The following PCDHGA3 variants were observed in gnomAD, a reference collection of about 807,000 sequenced individuals.
PCDHGA3 encodes the protein protocadherin gamma subfamily A, 3, also known as protocadherin gamma-A3.
PCDHGA3 carries 40 observed loss-of-function variants against 58.5 expected under a neutral mutation model. The observed-to-expected ratio is 0.68, with a 90% confidence interval of 0.53 to 0.89. The LOEUF is 0.89. Among genes scored for constraint, PCDHGA3 ranks in the 40% least tolerant of loss-of-function variants. PCDHGA3 has a pLI of 0.00. For missense variants in PCDHGA3, 1,223 were observed against 1,195.9 expected (o/e 1.02, Z -0.33); for synonymous variants, 530 against 525.7 (o/e 1.01, Z -0.11).
intron 1 of PCDHGA3, chr5:141,357,734 T>G: frequency 7.5e-7 from 1 of 1,340,180 alleles, no homozygotes. Context: ...TTTAATATTT[T>G]ATTGCTTTAA....
chr5:141,485,338 T>C lies in PCDHGA3; in HGVS notation c.2425-9469T>C, dbSNP rs1259658641. The stretch of plus-strand genomic sequence containing the variant: ...ATGTCGCTCAAGATTTCCTGCTGGA[T>C]ACGGACAGTCTGTCAGCTCGCAGGC... On this transcript the variant is annotated intron_variant, in intron 1 of 3. Coordinates refer to ENST00000253812, the MANE Select transcript of PCDHGA3 (RefSeq NM_018916.4). The surrounding 1 kb of genome is among the most constrained non-coding windows in gnomAD (Gnocchi z 5.7). 1 of 1,614,140 alleles carries C rather than the reference T, an allele frequency of 6.2e-7. No individual in the cohort carries two copies. Among genetic ancestry groups the C allele is most frequent in the Non-Finnish European group, 8.5e-7 (1 of 1,180,006 alleles).
chr5:141,415,368 T>C (rs762653261), intron 1 of PCDHGA3: 1 of 1,614,244 alleles, frequency 6.2e-7, no homozygotes, highest in Non-Finnish European at 8.5e-7. Context: ...TGCTGCAGGC[T>C]TCAGGAGGCG....
chr5:141,430,587 T>C, intron 1 of PCDHGA3: 1 of 521,996 alleles, frequency 1.9e-6, no homozygotes, highest in Non-Finnish European at 3.1e-6. Context: ...CCTGCTCGCC[T>C]TGCACGCGCC....
In PCDHGA3 at chr5:141,374,652, A is replaced by C. The variant is rs947408708; in HGVS notation, c.2424+28195A>C. Reference sequence around the variant, plus strand: ...GTGCAAAGCGAAGCCCATGGGCCCAAGTACCCGGAGCTGGTGCTGGAGGGC... The same window carrying C: ...GTGCAAAGCGAAGCCCATGGGCCCACGTACCCGGAGCTGGTGCTGGAGGGC... On this transcript the variant is annotated intron_variant, in intron 1 of 3. Coordinates refer to ENST00000253812, the MANE Select transcript of PCDHGA3 (RefSeq NM_018916.4). 1.2e-6 allele frequency: 2 copies of C among 1,612,302 alleles called. No homozygotes were observed.
intron 1 of PCDHGA3, chr5:141,413,863 G>A (rs1367797365): frequency 1.9e-6 from 3 of 1,613,356 alleles, no homozygotes; most frequent in Admixed American, 1.7e-5. Flanking sequence ...ATCTGGCACT[G>A]TCCTTGTCAG....
In PCDHGA3 at chr5:141,344,090, C is replaced by A. The variant is rs200693710; in HGVS notation, c.57C>A (p.Leu19=). Residue 19 remains leucine (L), a synonymous_variant, in exon 1 of 4, where the codon CTC becomes CTA. Coordinates refer to ENST00000253812, the MANE Select transcript of PCDHGA3 (RefSeq NM_018916.4). ...GAGGACTGGCCCTGCTGTGCGCGCT[C>A]CTGGGGACGCTGTGCGAAACAGGAT... ...NGRGLALLCA[L]LGTLCETGSG... is the part of the protein sequence containing the mutation. The A allele has an allele frequency of 1.2e-6, 2 of 1,613,308 alleles. No individual in the cohort carries two copies. Among genetic ancestry groups the A allele is most frequent in the African/African-American group, 2.7e-5 (2 of 74,926 alleles).
intron 1 of PCDHGA3, chr5:141,357,624 G>A (rs1416419073): frequency 1.2e-6 from 2 of 1,613,660 alleles, no homozygotes; most frequent in South Asian, 2.2e-5. Context: ...ATCTTCAGGT[G>A]AGTCAATCTT....
chr5:141,413,337 G>A, intron 1 of PCDHGA3: 1 of 1,613,978 alleles, frequency 6.2e-7, no homozygotes, highest in Non-Finnish European at 8.5e-7. Flanking sequence ...ACATCTCCAA[G>A]GACTTGGGTC....
chr5:141,433,379 CTAT>C (rs2097594474), intron 1 of PCDHGA3, among the ~76,000 whole-genome samples: 1 of 151,230 alleles, frequency 6.6e-6, no homozygotes, highest in Non-Finnish European at 1.5e-5. Context: ...ATCTATCTAT[CTAT>C]CTATCTATCT....
At chr5:141,478,355 G>T (rs1193169527) in intron 1 of PCDHGA3, 7 of 1,613,742 alleles carry the variant, frequency 4.3e-6, no homozygotes, top group Non-Finnish European at 5.1e-6. Flanking sequence ...CGCGGACGCC[G>T]TGCGGGGAGG....
chr5:141,393,056 C>T, intron 1 of PCDHGA3: 2 of 1,613,606 alleles, frequency 1.2e-6, no homozygotes, highest in Non-Finnish European at 1.7e-6. Flanking sequence ...ACCCGCGCAG[C>T]GGCAGCTTGA....
At chr5:141,356,001 T>C in intron 1 of PCDHGA3, 6 of 1,613,942 alleles carry the variant, frequency 3.7e-6, no homozygotes, top group Non-Finnish European at 5.1e-6. Context: ...TAAAAGCCAC[T>C]GATCCAGATG....
rs752999009 is a variant in PCDHGA3, at chr5:141,409,899, C to T, written c.2424+63442C>T. 4 of 1,613,152 alleles carry T rather than the reference C, an allele frequency of 2.5e-6. No individual in the cohort carries two copies. The East Asian group carries it at 8.9e-5, about 36-fold the overall frequency. ...AACGCACCGCGGGTGCTGTACCCAG[C>T]TCTGGGTCCTGACGGCTCCGCGTTC... On this transcript the variant is annotated intron_variant, in intron 1 of 3. Coordinates refer to ENST00000253812, the MANE Select transcript of PCDHGA3 (RefSeq NM_018916.4).
rs912284799 is a variant in PCDHGA3, at chr5:141,346,670, G to A, written c.2424+213G>A. 3.2e-5 allele frequency: 22 copies of A among 694,760 alleles called. No homozygotes were observed. In the East Asian group the frequency reaches 5.6e-4, roughly 18 times the overall value. The allele number at this position is 694,760 out of a possible 1,614,324, so 43.0% of individuals were successfully genotyped here. On this transcript the variant is annotated intron_variant, in intron 1 of 3. Coordinates refer to ENST00000253812, the MANE Select transcript of PCDHGA3 (RefSeq NM_018916.4). ...GGGCTTAGGGAAAAAATAATACATC[G>A]TGAGTGAAAGTAAAGTGTCACTTCC... is the stretch of plus-strand genomic sequence containing the variant.
At position 141,485,260 on chromosome 5, in the gene PCDHGA3, G is replaced by A. The variant is rs773919574; in HGVS notation, c.2425-9547G>A. On this transcript the variant is annotated intron_variant, in intron 1 of 3. Transcript: ENST00000253812. This position sits in a 1 kb window ranked among gnomAD's most constrained non-coding sequence, Gnocchi z 5.7. ...TTTACCACCTGGGTTACGTTTGTGG[G>A]CAGATCCGCTACCCGGTCCCAGAGG... The A allele has an allele frequency of 8.7e-6, 14 of 1,614,002 alleles. No individual in the cohort carries two copies. In the African/African-American group the frequency reaches 1.5e-4, roughly 17 times the overall value.
intron 1 of PCDHGA3, chr5:141,403,145 C>T (rs749236674): frequency 2.5e-6 from 4 of 1,613,920 alleles, no homozygotes; most frequent in African/African-American, 1.3e-5. Flanking sequence ...GCGCCGAGTC[C>T]GCATCGTCTC....
chr5:141,413,965 C>G (rs2095696868), intron 1 of PCDHGA3: 2 of 1,613,292 alleles, frequency 1.2e-6, no homozygotes, highest in East Asian at 2.2e-5. Context: ...TGTGGGCACT[C>G]AGCTGCTGAC....
At chr5:141,444,129 T>C (rs897901109) in intron 1 of PCDHGA3, among the ~76,000 whole-genome samples, 3 of 147,096 alleles carry the variant, frequency 2.0e-5, no homozygotes, top group African/African-American at 5.0e-5. Context: ...TCTCAACAGA[T>C]ATGTGTCACT....
rs748803155 is a variant in PCDHGA3, at chr5:141,490,087, G to A, written c.2425-4720G>A. On this transcript the variant is annotated intron_variant, in intron 1 of 3. Coordinates refer to ENST00000253812, the MANE Select transcript of PCDHGA3 (RefSeq NM_018916.4). The surrounding 1 kb of genome is among the most constrained non-coding windows in gnomAD (Gnocchi z 5.4). ...CGGCCAACTAGACTATTCTTTTGGA[G>A]ACCACACATCTGAGGCAGTGCGGAA... 2.5e-6 allele frequency: 4 copies of A among 1,614,244 alleles called. No homozygotes were observed. The highest frequency in any genetic ancestry group is 1.3e-5 in the African/African-American group (1 of 75,068).
Sources: gnomAD v4.1 joint callset for allele counts (sites outside exome capture counted in the v4.1 genomes callset) on GRCh38, gnomAD v4.1.1 for gene constraint, Gnocchi (gnomAD v3.1) non-coding constraint, MANE v1.5 for transcripts, NCBI Gene and HGNC (gene_info 2026-07-23, HGNC 2026-07-21) for gene names.